Variants in FANCB observed in about 807,000 individuals in gnomAD.
The protein encoded by FANCB is Fanconi anemia group B protein.
Under a neutral mutation model 38.9 loss-of-function variants are expected in FANCB, and 5 were observed. That is an observed-to-expected ratio of 0.13 (90% CI 0.07 to 0.27). The LOEUF is 0.27. Among genes scored for constraint, FANCB ranks in the 10% least tolerant of loss-of-function variants. FANCB has a pLI of 1.00. For missense variants in FANCB, 573 were observed against 602.7 expected (o/e 0.95, Z 0.52); for synonymous variants, 236 against 215.4 (o/e 1.10, Z -0.84).
At chrX:14,715,541 T>C in the FANCB span, among the ~76,000 whole-genome samples, 1 of 111,507 alleles carries the variant, frequency 9.0e-6, no homozygotes, top group Non-Finnish European at 1.9e-5. Context: ...GAATTTAATA[T>C]GATGCAGTAG....
the FANCB span, among the ~76,000 whole-genome samples, chrX:14,795,258 A>G: frequency 9.2e-6 from 1 of 108,840 alleles, no homozygotes; most frequent in Non-Finnish European, 1.9e-5. Flanking sequence ...ACGAAATACA[A>G]ATTTTGGGGT....
chrX:14,731,168 T>C, the FANCB span: 1 of 112,247 alleles, frequency 8.9e-6, no homozygotes, highest in Non-Finnish European at 1.9e-5. Context: ...TAAACACCAA[T>C]GACAGAAAAA....
At chrX:14,690,105 C>T in the FANCB span, among the ~76,000 whole-genome samples, 1 of 111,496 alleles carries the variant, frequency 9.0e-6, no homozygotes, top group African/African-American at 3.3e-5. Context: ...AAGAAAATTA[C>T]AAATTGGCTT....
intron 10 of FANCB, among the ~76,000 whole-genome samples, chrX:14,836,515 C>A (rs2092341575): frequency 8.9e-6 from 1 of 112,129 alleles, no homozygotes; most frequent in Admixed American, 9.4e-5. Flanking sequence ...ATTTTTACAA[C>A]AAATCTTATT....
chrX:14,844,681 T>C lies in FANCB; in HGVS notation c.1987A>G (p.Thr663Ala), dbSNP rs184796918. Residue 663 changes from threonine to alanine, a missense_variant, in exon 9 of 10, where the codon ACA (threonine) becomes GCA (alanine). Physicochemically the swap from Thr to Ala is moderately conservative, Grantham distance 58. Coordinates refer to ENST00000650831, the MANE Select transcript of FANCB (RefSeq NM_001018113.3). ...GAATTCAGGGCATAGCCGGGTGATG[T>C]GATTTGAAAACAAGATTTATGGAAT... ...AAFHKSCFQI[T>A]SPGYALNSMK... is the part of the protein sequence containing the mutation. 257 of 1,209,702 alleles carry C rather than the reference T, an allele frequency of 2.1e-4. 1 individual carries two copies. In the East Asian group the frequency reaches 7.5e-3, roughly 35 times the overall value.
chrX:14,868,350 C>A (rs2092479471), intron 2 of FANCB, among the ~76,000 whole-genome samples: 2 of 111,621 alleles, frequency 1.8e-5, no homozygotes, highest in Admixed American at 1.9e-4. Flanking sequence ...GGTGTATATA[C>A]CAATTTTTGG....
the FANCB span, among the ~76,000 whole-genome samples, chrX:14,734,797 G>A: frequency 3.6e-5 from 4 of 110,690 alleles, no homozygotes; most frequent in Non-Finnish European, 7.6e-5. Context: ...AAGCTCTCCT[G>A]GATGATATCC....
chrX:14,703,259 A>G, the FANCB span, among the ~76,000 whole-genome samples: 1 of 111,854 alleles, frequency 8.9e-6, no homozygotes, highest in African/African-American at 3.3e-5. Flanking sequence ...GCTCATTTAT[A>G]TAACAGTGTT....
downstream of FANCB, among the ~76,000 whole-genome samples, chrX:14,831,265 G>C (rs913162802): frequency 8.9e-6 from 1 of 112,605 alleles, no homozygotes; most frequent in African/African-American, 3.2e-5. Context: ...AGATGATCAA[G>C]ACAGAAAATG....
chrX:14,865,631 A>G, intron 2 of FANCB, 51 bp from the exon 3 acceptor site: 1 of 521,487 alleles, frequency 1.9e-6, no homozygotes, highest in Non-Finnish European at 3.3e-6. Context: ...GGTTGAAAAG[A>G]AAACACGTTT....
At chrX:14,771,463 G>A in the FANCB span, among the ~76,000 whole-genome samples, 1 of 111,381 alleles carries the variant, frequency 9.0e-6, no homozygotes, top group Non-Finnish European at 1.9e-5. Flanking sequence ...AAGCTCTCCC[G>A]ACATATTTTT....
chrX:14,716,144 C>T, the FANCB span, among the ~76,000 whole-genome samples: 1 of 111,250 alleles, frequency 9.0e-6, no homozygotes, highest in Non-Finnish European at 1.9e-5. Context: ...CATGTGTCTA[C>T]TCCCTGGTTG....
At chrX:14,770,505 C>T in the FANCB span, among the ~76,000 whole-genome samples, 1 of 111,818 alleles carries the variant, frequency 8.9e-6, no homozygotes, top group Middle Eastern at 4.6e-3. Flanking sequence ...TTTCCTCCAC[C>T]CTTTATTTTG....
At chrX:14,848,762 A>G (rs1477518131) in intron 7 of FANCB, among the ~76,000 whole-genome samples, 4 of 111,925 alleles carry the variant, frequency 3.6e-5, no homozygotes, top group Non-Finnish European at 5.6e-5. Flanking sequence ...GTTATGTTAA[A>G]GAATTACTTC....
intron 3 of FANCB, among the ~76,000 whole-genome samples, chrX:14,861,863 T>G (rs1047647957): frequency 3.4e-4 from 38 of 111,407 alleles, no homozygotes; most frequent in African/African-American, 1.2e-3. Flanking sequence ...TTTTTTTTTT[T>G]GCAGACAGAT....
At chrX:14,789,557 T>C in the FANCB span, among the ~76,000 whole-genome samples, 1 of 112,315 alleles carries the variant, frequency 8.9e-6, no homozygotes, top group African/African-American at 3.2e-5. Flanking sequence ...TAAAATTGAC[T>C]CCCAACAGAC....
the FANCB span, among the ~76,000 whole-genome samples, chrX:14,740,219 T>C: frequency 1.8e-5 from 2 of 109,309 alleles, no homozygotes; most frequent in Non-Finnish European, 3.8e-5. Context: ...GGCAGGGTAG[T>C]AGGGAAGGGA....
Position 14,859,184 on chromosome X carries a change from A to G in FANCB, c.1102T>C (p.Ser368Pro). The change falls in exon 4 of 10, where the codon TCG (serine) becomes CCG (proline). Residue 368 changes from serine to proline, a missense_variant and splice_region_variant. By Grantham distance (74) the Ser-to-Pro change is moderately conservative. Coordinates refer to ENST00000650831, the MANE Select transcript of FANCB (RefSeq NM_001018113.3). The part of the protein sequence containing the change: ...KITDLGKINY[S>P]SEPSDCNEDD... ...TATAATAAGTAAATAGAACTTACCG[A>G]ATAGTTTATTTTTCCAAGATCCGTT... The G allele has an allele frequency of 8.5e-7, 1 of 1,176,162 alleles. No homozygotes were observed. Among genetic ancestry groups the G allele is most frequent in the Non-Finnish European group, 1.2e-6 (1 of 865,063 alleles).
At chrX:14,713,701 G>A in the FANCB span, among the ~76,000 whole-genome samples, 3 of 111,262 alleles carry the variant, frequency 2.7e-5, no homozygotes, top group African/African-American at 9.8e-5. Context: ...TTCAGAGTTT[G>A]CATGGCCCAC....
Sources: gnomAD v4.1 joint callset for allele counts (sites outside exome capture counted in the v4.1 genomes callset) on GRCh38, gnomAD v4.1.1 for gene constraint, MANE v1.5 for transcripts, NCBI Gene and HGNC (gene_info 2026-07-23, HGNC 2026-07-21) for gene names.